CHODL: variants seen among roughly 807,000 people sequenced by gnomAD.
CHODL encodes transmembrane protein MT75.
Under a neutral mutation model 34.5 loss-of-function variants are expected in CHODL, and 29 were observed. The ratio of observed to expected loss-of-function variants is 0.84; its 90% CI spans 0.63 to 1.15. CHODL has a LOEUF of 1.15. Ranked by LOEUF, CHODL falls within the 50% of genes most tolerant of loss-of-function variation. The pLI, the probability that CHODL is intolerant of heterozygous loss-of-function variation, is 0.00. For missense variants in CHODL, 332 were observed against 332.5 expected (o/e 1.00, Z 0.01); for synonymous variants, 125 against 116.1 (o/e 1.08, Z -0.49).
At chr21:18,145,343 A>G (rs1345428489) in intron 2 of CHODL, among the ~76,000 whole-genome samples, 1 of 143,548 alleles carries the variant, frequency 7.0e-6, no homozygotes, top group African/African-American at 2.6e-5. Context: ...AGGCTGAGGC[A>G]GGAGAATGGC....
intron 1 of CHODL, among the ~76,000 whole-genome samples, chr21:17,936,971 G>A (rs1915857815): frequency 1.3e-5 from 2 of 151,966 alleles, no homozygotes; most frequent in African/African-American, 4.8e-5. Flanking sequence ...CTACTCAGGA[G>A]GCTGAGGCAG....
chr21:18,056,504 A>G (rs2064582749), intron 2 of CHODL, among the ~76,000 whole-genome samples: 1 of 148,670 alleles, frequency 6.7e-6, no homozygotes, highest in Admixed American at 6.7e-5. Flanking sequence ...TGAGTGGGGC[A>G]TTCCCTAAGG....
At chr21:17,960,225 G>A (rs1055653049) in intron 1 of CHODL, among the ~76,000 whole-genome samples, 3 of 152,032 alleles carry the variant, frequency 2.0e-5, no homozygotes, top group African/African-American at 4.8e-5. Context: ...GAGTATTTTC[G>A]GCAAGTTGAC....
chr21:18,265,263 A>G (rs554164942), intron 5 of CHODL, among the ~76,000 whole-genome samples: 9 of 117,256 alleles, frequency 7.7e-5, no homozygotes, highest in African/African-American at 2.2e-4. Flanking sequence ...ATATATGTGT[A>G]TATATATATG....
chr21:18,123,818 T>C (rs979786764), intron 2 of CHODL, among the ~76,000 whole-genome samples: 4 of 152,078 alleles, frequency 2.6e-5, no homozygotes, highest in African/African-American at 9.7e-5. Context: ...CCCCAGCCCA[T>C]GGAATTATTA....
chr21:18,247,404 A>G (rs916953295), intron 1 of CHODL, among the ~76,000 whole-genome samples: 2 of 152,182 alleles, frequency 1.3e-5, no homozygotes, highest in South Asian at 4.1e-4. Flanking sequence ...CACTGACCGC[A>G]GAAAAATAGA....
At chr21:18,244,023 C>G (rs989840486), upstream of CHODL, among the ~76,000 whole-genome samples, 2 of 152,214 alleles carry the variant, frequency 1.3e-5, no homozygotes. Flanking sequence ...AAGAACTTCT[C>G]TCCAGTATTC....
intron 2 of CHODL, among the ~76,000 whole-genome samples, chr21:18,030,117 G>A (rs2064230127): frequency 6.6e-6 from 1 of 152,052 alleles, no homozygotes; most frequent in African/African-American, 2.4e-5. Flanking sequence ...TGGACCTAAT[G>A]GCTAACTTCT....
rs373069183 is a variant in CHODL at position 18,166,755 on chromosome 21, T to C, written c.-44-89754T>C. ...TTGATATTACTGAATTCTTTTGTAC[T>C]ATAATTTTATTTAGGAGTTTAAATC... On this transcript the variant is annotated intron_variant, in intron 2 of 6. Transcript: ENST00000400127. Among the ~76,000 whole-genome samples, 101 of 152,302 alleles carry C rather than the reference T, an allele frequency of 6.6e-4. 1 individual carries two copies. In the South Asian group the frequency reaches 0.019, roughly 29 times the overall value.
chr21:18,179,386 A>T (rs995896841), intron 2 of CHODL, among the ~76,000 whole-genome samples: 4 of 152,100 alleles, frequency 2.6e-5, no homozygotes, highest in African/African-American at 9.7e-5. Context: ...CACCATTTTG[A>T]ATTGATTCTA....
chr21:18,131,500 T>C (rs1332911630), intron 2 of CHODL, among the ~76,000 whole-genome samples: 4 of 152,214 alleles, frequency 2.6e-5, no homozygotes, highest in African/African-American at 9.6e-5. Flanking sequence ...TGACTTTGGG[T>C]AAATATTTAA....
At chr21:18,088,357 C>A (rs1405524795) in intron 2 of CHODL, among the ~76,000 whole-genome samples, 2 of 152,144 alleles carry the variant, frequency 1.3e-5, no homozygotes, top group Non-Finnish European at 2.9e-5. Context: ...GTGCAGTGGT[C>A]ACAGCCATGT....
At chr21:18,081,687 GAAAAA>G (rs34292856) in intron 2 of CHODL, among the ~76,000 whole-genome samples, 1 of 83,638 alleles carries the variant, frequency 1.2e-5, no homozygotes, top group African/African-American at 3.6e-5. Flanking sequence ...ATCTCAAAAA[GAAAAA>G]AAAAAAAAAG....
intron 1 of CHODL, among the ~76,000 whole-genome samples, chr21:17,992,822 T>C (rs2146390138): frequency 6.8e-6 from 1 of 146,802 alleles, no homozygotes; most frequent in Non-Finnish European, 1.5e-5. Context: ...TCCCAACTAA[T>C]TTTGTATTTT....
chr21:18,167,651 A>G lies in CHODL; in HGVS notation c.-44-88858A>G, dbSNP rs537164835. On this transcript the variant is annotated intron_variant, in intron 2 of 6. Transcript: ENST00000400127. ...AGGATCAGCTCTTTGATTTATTTCT[A>G]CCATTTTAAAATTCACCACTTTATC... is the stretch of plus-strand genomic sequence containing the variant. 3.9e-5 allele frequency among the ~76,000 whole-genome samples: 6 copies of G among 152,154 alleles called. No homozygotes were observed. In the East Asian group the frequency reaches 1.2e-3, roughly 29 times the overall value.
chr21:18,203,126 C>T (rs1023388082), intron 2 of CHODL, among the ~76,000 whole-genome samples: 5 of 152,094 alleles, frequency 3.3e-5, no homozygotes, highest in Non-Finnish European at 5.9e-5. Context: ...TATTCACTTA[C>T]ATTATTTAGT....
chr21:18,065,779 T>C (rs1052666533), intron 2 of CHODL, among the ~76,000 whole-genome samples: 2 of 152,172 alleles, frequency 1.3e-5, no homozygotes, highest in African/African-American at 4.8e-5. Context: ...GCACTTTTGG[T>C]TTCCTTGGCA....
chr21:17,981,382 CGTTT>C (rs938288216), intron 1 of CHODL, among the ~76,000 whole-genome samples: 2 of 152,114 alleles, frequency 1.3e-5, no homozygotes, highest in African/African-American at 4.8e-5. Context: ...TCATGGGCAG[CGTTT>C]GTTTCTTTTT....
intron 1 of CHODL, among the ~76,000 whole-genome samples, chr21:17,970,857 G>A (rs1198916221): frequency 6.6e-6 from 1 of 151,986 alleles, no homozygotes; most frequent in East Asian, 1.9e-4. Flanking sequence ...TCTACATTAG[G>A]TTTTCTCCTA....
Sources: gnomAD v4.1 joint callset for allele counts (sites outside exome capture counted in the v4.1 genomes callset) on GRCh38, gnomAD v4.1.1 for gene constraint, MANE v1.5 for transcripts, NCBI Gene and HGNC (gene_info 2026-07-23, HGNC 2026-07-21) for gene names.